The following NAV2 variants were observed in gnomAD, a reference collection of about 807,000 sequenced individuals.
The protein encoded by NAV2 is neuron navigator 2, also known as helicase, APC down-regulated 1.
A neutral mutation model predicts 223.2 loss-of-function variants in NAV2; 54 were observed. The observed-to-expected ratio is 0.24, with a 90% confidence interval of 0.19 to 0.30. NAV2 has a LOEUF of 0.30. Among genes scored for constraint, NAV2 ranks in the 10% least tolerant of loss-of-function variants. The probability of loss-of-function intolerance (pLI) is 1.00; values close to 1 mark genes in which losing one functional copy is unlikely to be tolerated. For missense variants in NAV2, 2,806 were observed against 3,147.5 expected, an observed-to-expected ratio of 0.89 and a Z score of 2.60; for synonymous variants, 1,279 against 1,239.3, an observed-to-expected ratio of 1.03 and a Z score of -0.67.
chr11:19,460,564 C>T (rs532433052), intron 1 of NAV2, among the ~76,000 whole-genome samples: 4 of 150,214 alleles, frequency 2.7e-5, no homozygotes, highest in Non-Finnish European at 4.4e-5. Flanking sequence ...AAACCAAACA[C>T]CGCATGTTCT....
intron 1 of NAV2, among the ~76,000 whole-genome samples, chr11:19,622,005 CGTTAT>C (rs1565109750): frequency 6.6e-6 from 1 of 152,144 alleles, no homozygotes; most frequent in African/African-American, 2.4e-5. Flanking sequence ...GCCTTCATTT[CGTTAT>C]GTACCCAGTA....
chr11:19,948,936 G>A lies in NAV2; in HGVS notation c.2501G>A (p.Arg834Gln), dbSNP rs536396503. 58 of 1,613,814 alleles carry A rather than the reference G, an allele frequency of 3.6e-5. No homozygotes were observed. The highest frequency in any genetic ancestry group is 6.7e-5 in the Admixed American group (4 of 59,996). Residue 834 changes from arginine (R) to glutamine (Q), a missense_variant, in exon 10 of 38, where the codon CGG becomes CAG. Arg to Gln is a conservative substitution (Grantham distance 43). Around this residue, in one of 4 missense-constraint regions of NAV2, gnomAD observed 1,167 missense variants for 1,180.5 expected, o/e 0.99. Transcript: ENST00000349880. ...CCTCTGAGAAGGCAGCTGGCCTCCCGGGGCAGTAGTGTCTGCCATGTGGAC... is the reference window on the plus strand; with the variant it reads ...CCTCTGAGAAGGCAGCTGGCCTCCCAGGGCAGTAGTGTCTGCCATGTGGAC... ...SAPLRRQLAS[R>Q]GSSVCHVDVS...
At chr11:19,496,307 A>G (rs1590334045) in intron 1 of NAV2, among the ~76,000 whole-genome samples, 4 of 152,398 alleles carry the variant, frequency 2.6e-5, no homozygotes, top group Admixed American at 2.6e-4. Flanking sequence ...TCTTTGGGTC[A>G]GGAATCCAGG....
intron 1 of NAV2, among the ~76,000 whole-genome samples, chr11:19,548,821 T>C (rs976610211): frequency 5.0e-5 from 7 of 140,190 alleles, no homozygotes; most frequent in Non-Finnish European, 9.0e-5. Flanking sequence ...GAGCTTGCAG[T>C]GAGCCAAGAT....
At chr11:20,069,663 G>A (rs1002041847) in intron 22 of NAV2, among the ~76,000 whole-genome samples, 2 of 152,136 alleles carry the variant, frequency 1.3e-5, no homozygotes, top group African/African-American at 2.4e-5. Context: ...TGCTGCCCAG[G>A]AGTTCACCAC....
At chr11:19,935,851 GTTTTTTT>G (rs765632685) in intron 7 of NAV2, among the ~76,000 whole-genome samples, 1,477 of 52,678 alleles carry the variant, frequency 0.028, 25 homozygotes, top group Middle Eastern at 0.05. Context: ...TTTTGTTTCT[GTTTTTTT>G]TTTTTTTTTT....
chr11:19,503,931 G>A (rs768117589), intron 1 of NAV2: 1 of 152,310 alleles, frequency 6.6e-6, no homozygotes, highest in South Asian at 2.1e-4. Flanking sequence ...ATCGAGGATT[G>A]TTATCCAAAA....
At chr11:19,904,976 T>C (rs1454541085) in intron 6 of NAV2, among the ~76,000 whole-genome samples, 1 of 152,214 alleles carries the variant, frequency 6.6e-6, no homozygotes, top group East Asian at 1.9e-4. Context: ...AAGAGTCTCC[T>C]CCACCTCAGT....
intron 1 of NAV2, chr11:19,507,180 A>G (rs2043146700): frequency 6.6e-6 from 1 of 152,198 alleles, no homozygotes; most frequent in Non-Finnish European, 1.5e-5. Flanking sequence ...ATGAACAAGT[A>G]CATACATAAT....
chr11:19,956,311 G>A (rs568247701), intron 10 of NAV2, among the ~76,000 whole-genome samples: 12 of 151,814 alleles, frequency 7.9e-5, no homozygotes, highest in African/African-American at 2.9e-4. Context: ...AGTTAGCCTA[G>A]ACGCCACAGG....
At chr11:19,637,776 G>A (rs954040781) in intron 1 of NAV2, among the ~76,000 whole-genome samples, 3 of 152,230 alleles carry the variant, frequency 2.0e-5, no homozygotes, top group South Asian at 2.1e-4. Flanking sequence ...CTGCCTCCAT[G>A]AGGCAAACAC....
chr11:19,895,687 A>G (rs962075726), intron 6 of NAV2, among the ~76,000 whole-genome samples: 1 of 152,096 alleles, frequency 6.6e-6, no homozygotes, highest in African/African-American at 2.4e-5. Context: ...AGAAGGGTGC[A>G]TTTATTCTCT....
intron 3 of NAV2, among the ~76,000 whole-genome samples, chr11:19,862,542 T>C (rs1367842731): frequency 1.3e-5 from 2 of 152,172 alleles, no homozygotes; most frequent in Admixed American, 6.5e-5. Flanking sequence ...GTAGCTTACA[T>C]TACAGAAGGG....
At chr11:19,508,773 G>A (rs949186561) in intron 1 of NAV2, among the ~76,000 whole-genome samples, 3 of 152,154 alleles carry the variant, frequency 2.0e-5, no homozygotes, top group Non-Finnish European at 2.9e-5. Context: ...ATCCCCAAAT[G>A]CCTGTAACAG....
intron 1 of NAV2, among the ~76,000 whole-genome samples, chr11:19,520,947 G>A (rs190033628): frequency 1.2e-4 from 18 of 152,328 alleles, no homozygotes; most frequent in African/African-American, 3.6e-4. Context: ...CCTGGCCCTC[G>A]CTGTGGGCTG....
rs201328207 is a variant in NAV2, at chr11:20,044,102, G to T, written c.3029G>T (p.Arg1010Leu). 2 of 1,614,070 alleles carry T rather than the reference G, an allele frequency of 1.2e-6. No individual in the cohort carries two copies. Among genetic ancestry groups the T allele is most frequent in the African/African-American group, 2.7e-5 (2 of 74,922 alleles). The change falls in exon 13 of 38, where the codon CGG becomes CTG. Residue 1010 changes from arginine (R) to leucine (L), a missense_variant. Transcript: ENST00000349880. The part of the protein sequence containing the change: ...IKMEPGSKWR[R>L]NPSDVSDESD... ...ATGGAGCCAGGTTCCAAGTGGAGGC[G>T]GAATCCTTCTGATGTGTCTGACGAG...
intron 1 of NAV2, among the ~76,000 whole-genome samples, chr11:19,370,598 G>A (rs1023087588): frequency 5.9e-5 from 9 of 152,256 alleles, no homozygotes; most frequent in Non-Finnish European, 4.4e-5. Flanking sequence ...TTTAGGAAAG[G>A]AGGAAGCAAG....
intron 1 of NAV2, among the ~76,000 whole-genome samples, chr11:19,458,227 T>G (rs2133839423): frequency 6.6e-6 from 1 of 152,278 alleles, no homozygotes; most frequent in South Asian, 2.1e-4. Flanking sequence ...GGATGAGAGG[T>G]CAGCCCAGTG....
intron 1 of NAV2, among the ~76,000 whole-genome samples, chr11:19,531,084 A>G (rs967459874): frequency 2.4e-4 from 36 of 152,316 alleles, no homozygotes; most frequent in African/African-American, 8.4e-4. Context: ...ATTTCTATGT[A>G]TTTATGTATT....
Sources: gnomAD v4.1 joint callset for allele counts (sites outside exome capture counted in the v4.1 genomes callset) on GRCh38, gnomAD v4.1.1 for gene constraint, gnomAD v4.1.1 regional missense constraint, MANE v1.5 for transcripts, NCBI Gene and HGNC (gene_info 2026-07-23, HGNC 2026-07-21) for gene names.